ZNHIT6: variants seen among roughly 807,000 people sequenced by gnomAD.
ZNHIT6 encodes box C/D snoRNA protein 1.
ZNHIT6 carries 45 observed loss-of-function variants against 57.2 expected under a neutral mutation model. That is an observed-to-expected ratio of 0.79 (90% confidence interval 0.62 to 1.01). The LOEUF is 1.01. ZNHIT6 is among the 50% of genes least tolerant of loss of function. ZNHIT6 has a pLI of 0.00. For synonymous variants in ZNHIT6, 188 were observed against 190.0 expected (o/e 0.99, Z 0.09); for missense variants, 528 against 567.3 (o/e 0.93, Z 0.70).
rs5775861 is a variant in ZNHIT6 at position 85,662,155 on chromosome 1, T to TAA, written c.1248-4186_1248-4185dup. ...ACTTTATTAGCAAATTAGTGTGCTT[T>TAA]AAAAAAAAAAAAAAAACCTCCTCAT... On this transcript the variant is annotated intron_variant, in intron 8 of 9. Transcript: ENST00000370574. Among the ~76,000 whole-genome samples, 1,335 of 144,838 alleles carry TAA rather than the reference T, an allele frequency of 9.2e-3. 12 individuals carry two copies. The highest frequency in any genetic ancestry group is 0.018 in the East Asian group (90 of 4,994).
At chr1:85,678,879 TTAAA>T in intron 6 of ZNHIT6, 98 bp from the exon 7 acceptor site, 1 of 633,570 alleles carries the variant, frequency 1.6e-6, no homozygotes, top group South Asian at 2.6e-5. Flanking sequence ...CTTTTTTGGT[TTAAA>T]TAACTGAACA....
At chr1:85,687,734 C>A (rs533080277) in intron 5 of ZNHIT6, among the ~76,000 whole-genome samples, 75 of 152,252 alleles carry the variant, frequency 4.9e-4, no homozygotes, top group Middle Eastern at 6.8e-3. Flanking sequence ...AAAATTTTTA[C>A]TTCTGATTTT....
intron 5 of ZNHIT6, among the ~76,000 whole-genome samples, chr1:85,685,299 G>C (rs1012525550): frequency 1.3e-5 from 2 of 152,092 alleles, no homozygotes; most frequent in Non-Finnish European, 2.9e-5. Flanking sequence ...TACATCATCA[G>C]AAAGTTGATT....
chr1:85,687,354 G>A (rs970160120), intron 5 of ZNHIT6, among the ~76,000 whole-genome samples: 47 of 129,792 alleles, frequency 3.6e-4, no homozygotes, highest in African/African-American at 1.3e-3. Flanking sequence ...ATCAAATACC[G>A]ACAGTGTCTT....
At chr1:85,661,165 T>C (rs1275307206) in intron 8 of ZNHIT6, among the ~76,000 whole-genome samples, 7 of 152,176 alleles carry the variant, frequency 4.6e-5, no homozygotes, top group African/African-American at 1.2e-4. Flanking sequence ...CAGACACATA[T>C]GGGGTTAATA....
At chr1:85,680,760 ATTAAG>A (rs1302429068) in intron 6 of ZNHIT6, 71 bp downstream of exon 6, 12 of 1,125,308 alleles carry the variant, frequency 1.1e-5, no homozygotes, top group Non-Finnish European at 1.3e-5. Context: ...TACTACTGAC[ATTAAG>A]TTAACAGTTT....
At chr1:85,654,232 C>G (rs1315551155) in intron 9 of ZNHIT6, 134 bp from the exon 10 acceptor site, 3 of 623,402 alleles carry the variant, frequency 4.8e-6, no homozygotes, top group Non-Finnish European at 8.1e-6. Flanking sequence ...GCGTCATGTC[C>G]CAGGCAGCTA....
At chr1:85,698,560 CAT>C (rs1662443445) in intron 5 of ZNHIT6, among the ~76,000 whole-genome samples, 1 of 152,024 alleles carries the variant, frequency 6.6e-6, no homozygotes, top group African/African-American at 2.4e-5. Context: ...AAAGTGAAAA[CAT>C]GTAAATTTTA....
At chr1:85,666,152 C>T (rs1214840499) in intron 8 of ZNHIT6, among the ~76,000 whole-genome samples, 6 of 152,106 alleles carry the variant, frequency 3.9e-5, no homozygotes, top group Non-Finnish European at 8.8e-5. Flanking sequence ...AAAGGACAGA[C>T]TTTCCAGGAA....
chr1:85,669,913 G>A (rs1333921762), intron 8 of ZNHIT6, among the ~76,000 whole-genome samples: 1 of 152,060 alleles, frequency 6.6e-6, no homozygotes, highest in Admixed American at 6.6e-5. Flanking sequence ...CACATGGAAG[G>A]GGCTCAATGA....
chr1:85,680,822 G>C lies in ZNHIT6; in HGVS notation c.1088+14C>G. 1 of 1,599,058 alleles carries C rather than the reference G, an allele frequency of 6.3e-7. No homozygotes were observed. Among genetic ancestry groups the C allele is most frequent in the Non-Finnish European group, 8.5e-7 (1 of 1,169,708 alleles). ...AATTAAAACAAATCAGTGATTGAAA[G>C]ATAGCAGTGATACCTTTTTTCTATG... On this transcript the variant is annotated intron_variant, in intron 6 of 9. Coordinates refer to ENST00000370574, the MANE Select transcript of ZNHIT6 (RefSeq NM_017953.4).
Position 85,708,037 on chromosome 1 carries a change from A to G in ZNHIT6, c.248T>C (p.Ile83Thr). 6.2e-7 allele frequency: 1 copy of G among 1,614,020 alleles called. No homozygotes were observed. Among genetic ancestry groups the G allele is most frequent in the Non-Finnish European group, 8.5e-7 (1 of 1,179,986 alleles). Residue 83 changes from isoleucine to threonine, a missense_variant, in exon 1 of 10, where the codon ATA becomes ACA. Physicochemically the swap from Ile to Thr is moderately conservative, Grantham distance 89 (BLOSUM62 -1). Coordinates refer to ENST00000370574, the MANE Select transcript of ZNHIT6 (RefSeq NM_017953.4). ...MDLTVVKQEI[I>T]DWPGTEGRLA... ...CCTGCCTTCTGTACCTGGCCAGTCT[A>G]TAATTTCCTGCTTCACTACCGTTAG...
At chr1:85,693,367 T>C (rs1041255426) in intron 5 of ZNHIT6, among the ~76,000 whole-genome samples, 2 of 152,050 alleles carry the variant, frequency 1.3e-5, no homozygotes, top group South Asian at 4.1e-4. Context: ...CAATTCTGTC[T>C]AAAAGATGAG....
At chr1:85,704,076 A>G (rs1416808073) in intron 4 of ZNHIT6, among the ~76,000 whole-genome samples, 1 of 152,194 alleles carries the variant, frequency 6.6e-6, no homozygotes, top group Non-Finnish European at 1.5e-5. Context: ...CCACAATAAA[A>G]TTACAAAGCC....
chr1:85,654,183 A>C, intron 9 of ZNHIT6, 85 bp from the exon 10 acceptor site: 1 of 1,178,004 alleles, frequency 8.5e-7, no homozygotes, highest in Non-Finnish European at 1.2e-6. Context: ...CCTCCTTCTG[A>C]TGTACAGCAA....
intron 5 of ZNHIT6, among the ~76,000 whole-genome samples, chr1:85,695,879 A>G (rs963453576): frequency 6.6e-6 from 1 of 152,248 alleles, no homozygotes; most frequent in Non-Finnish European, 1.5e-5. Context: ...TACTAAAAAT[A>G]CAAAAAATTA....
At chr1:85,657,538 T>C in intron 9 of ZNHIT6, among the ~76,000 whole-genome samples, 1 of 151,902 alleles carries the variant, frequency 6.6e-6, no homozygotes, top group East Asian at 1.9e-4. Flanking sequence ...CATGGACAGT[T>C]ACTTAAAGAC....
Position 85,677,305 on chromosome 1 carries a change from G to A in ZNHIT6, c.1178C>T (p.Ala393Val), listed in dbSNP as rs1424757461. ...AACCCCAGTCTGAGAGCGAATGTAGGCTTTCAACCTGAAATAAAAACATCA... is the reference window on the plus strand; with the variant it reads ...AACCCCAGTCTGAGAGCGAATGTAGACTTTCAACCTGAAATAAAAACATCA... ...SDPVIRQRLKAYIRSQTGVQI... is the reference protein window; with the variant it reads ...SDPVIRQRLKVYIRSQTGVQI... Residue 393 changes from alanine (A) to valine (V), a missense_variant, in exon 8 of 10, where the codon GCC becomes GTC. Physicochemically the swap from Ala to Val is moderately conservative, Grantham distance 64. Transcript: ENST00000370574. The A allele has an allele frequency of 1.2e-6, 2 of 1,604,784 alleles. No individual in the cohort carries two copies. Among genetic ancestry groups the A allele is most frequent in the Non-Finnish European group, 1.7e-6 (2 of 1,177,236 alleles).
chr1:85,663,432 G>C (rs1043015668), intron 8 of ZNHIT6, among the ~76,000 whole-genome samples: 1 of 151,096 alleles, frequency 6.6e-6, no homozygotes, highest in African/African-American at 2.5e-5. Context: ...AGGTAAAGTA[G>C]AGAAGACATA....
Sources: gnomAD v4.1 joint callset for allele counts (sites outside exome capture counted in the v4.1 genomes callset) on GRCh38, gnomAD v4.1.1 for gene constraint, MANE v1.5 for transcripts, NCBI Gene and HGNC (gene_info 2026-07-23, HGNC 2026-07-21) for gene names.